Variants in GPC3 observed in about 807,000 individuals in gnomAD.
GPC3 encodes glypican-3.
Under a neutral mutation model 34.4 loss-of-function variants are expected in GPC3, and 3 were observed. That is an observed-to-expected ratio of 0.09 (90% CI 0.04 to 0.23). The LOEUF (loss-of-function observed/expected upper bound fraction) is 0.23, where lower values mean the gene tolerates loss of function less well. Ranked by LOEUF, GPC3 falls within the 10% of genes least tolerant of loss-of-function variation. GPC3 has a pLI of 1.00. For synonymous variants in GPC3, 177 were observed against 174.0 expected, an observed-to-expected ratio of 1.02 and a Z score of -0.13; for missense variants, 351 against 445.6, an observed-to-expected ratio of 0.79 and a Z score of 1.91.
At chrX:133,781,492 C>A (rs773370198) in intron 2 of GPC3, among the ~76,000 whole-genome samples, 4 of 112,189 alleles carry the variant, frequency 3.6e-5, no homozygotes, top group Non-Finnish European at 7.5e-5. Flanking sequence ...CAATAAAGCA[C>A]TTTTTCTACA....
chrX:133,678,736 T>C (rs925303659), intron 5 of GPC3, among the ~76,000 whole-genome samples: 3 of 112,023 alleles, frequency 2.7e-5, no homozygotes, highest in Non-Finnish European at 5.6e-5. Flanking sequence ...AAGCCATGTA[T>C]AGGAATTTGT....
At chrX:133,614,834 C>CA (rs2070144536) in intron 6 of GPC3, among the ~76,000 whole-genome samples, 2 of 111,118 alleles carry the variant, frequency 1.8e-5, no homozygotes, top group African/African-American at 6.5e-5. Context: ...AGAGAAGACT[C>CA]AAATTACTAC....
At chrX:133,920,141 G>T (rs1359712092) in intron 2 of GPC3, among the ~76,000 whole-genome samples, 1 of 107,855 alleles carries the variant, frequency 9.3e-6, no homozygotes, top group Non-Finnish European at 1.9e-5. Context: ...CCCAGTCTGG[G>T]CAACAGAGTA....
chrX:133,795,951 T>TCC (rs2075577440), intron 2 of GPC3, among the ~76,000 whole-genome samples: 7 of 100,313 alleles, frequency 7.0e-5, no homozygotes, highest in Admixed American at 2.1e-4. Context: ...TCCTTTTTTT[T>TCC]TTTTTTTTTT....
At chrX:133,746,089 G>A (rs1437529421) in intron 3 of GPC3, among the ~76,000 whole-genome samples, 1 of 112,181 alleles carries the variant, frequency 8.9e-6, no homozygotes, top group African/African-American at 3.2e-5. Flanking sequence ...TCAGGGATCT[G>A]GCACAAATGC....
intron 2 of GPC3, among the ~76,000 whole-genome samples, chrX:133,795,314 C>T (rs1194420420): frequency 8.9e-6 from 1 of 112,368 alleles, no homozygotes; most frequent in Non-Finnish European, 1.9e-5. Flanking sequence ...CATGTCTTCC[C>T]CTTGTGGTAA....
chrX:133,815,839 T>A (rs1315736716), intron 2 of GPC3, among the ~76,000 whole-genome samples: 1 of 111,659 alleles, frequency 9.0e-6, no homozygotes, highest in Non-Finnish European at 1.9e-5. Flanking sequence ...AGAATTAGCT[T>A]CTGAGAGATG....
At chrX:133,680,153 G>C (rs945733182) in intron 5 of GPC3, among the ~76,000 whole-genome samples, 2 of 111,813 alleles carry the variant, frequency 1.8e-5, no homozygotes, top group African/African-American at 6.5e-5. Context: ...CTAGCCAATG[G>C]CTCTTTTTCT....
intron 2 of GPC3, among the ~76,000 whole-genome samples, chrX:133,899,400 T>C (rs909215762): frequency 9.0e-6 from 1 of 111,629 alleles, no homozygotes; most frequent in African/African-American, 3.3e-5. Flanking sequence ...CATTTGTTGT[T>C]ACTCCCTCCA....
intron 5 of GPC3, among the ~76,000 whole-genome samples, chrX:133,690,931 G>C (rs1228944699): frequency 3.6e-5 from 4 of 111,524 alleles, no homozygotes; most frequent in Middle Eastern, 4.2e-3. Flanking sequence ...AACTCTTTGT[G>C]GTTTCCTAAG....
At chrX:133,979,004 T>C (rs1318814409) in intron 1 of GPC3, among the ~76,000 whole-genome samples, 3 of 112,643 alleles carry the variant, frequency 2.7e-5, no homozygotes, top group Admixed American at 9.4e-5. Context: ...TATGCTTCAC[T>C]GTGGAAATTT....
chrX:133,982,030 C>T (rs900425791), intron 1 of GPC3, among the ~76,000 whole-genome samples: 1 of 111,805 alleles, frequency 8.9e-6, no homozygotes, highest in African/African-American at 3.3e-5. Context: ...TGGTGTATGG[C>T]ATTCATAAAG....
chrX:133,962,801 T>C lies in GPC3; in HGVS notation c.176-9590A>G, dbSNP rs2076447363. Among the ~76,000 whole-genome samples, 4 of 111,877 alleles carry C rather than the reference T, an allele frequency of 3.6e-5. No individual in the cohort carries two copies. In the South Asian group the frequency reaches 1.5e-3, roughly 42 times the overall value. On this transcript the variant is annotated intron_variant, in intron 1 of 7. Coordinates refer to ENST00000370818, the MANE Select transcript of GPC3 (RefSeq NM_004484.4). ...CGCAGACCTGAGGCAGAGCTGAGAA[T>C]TTCAACACCCTAGGCCCAATCTAAG... is the stretch of plus-strand genomic sequence containing the variant.
chrX:133,581,788 T>C (rs970144187), intron 7 of GPC3, among the ~76,000 whole-genome samples: 2 of 112,313 alleles, frequency 1.8e-5, no homozygotes, highest in Non-Finnish European at 3.8e-5. Context: ...TCCACTCCAA[T>C]GGAGTCAGAA....
intron 2 of GPC3, among the ~76,000 whole-genome samples, chrX:133,912,009 TGTGGAA>T (rs2076202756): frequency 8.9e-6 from 1 of 112,367 alleles, no homozygotes; most frequent in African/African-American, 3.2e-5. Flanking sequence ...CCTAATAATC[TGTGGAA>T]GTGGTTTTCA....
chrX:133,540,958 G>A (rs1342010748), intron 7 of GPC3, among the ~76,000 whole-genome samples: 10 of 106,666 alleles, frequency 9.4e-5, no homozygotes, highest in South Asian at 4.2e-4. Flanking sequence ...GTGTGTGTGC[G>A]CGCACTGTGG....
At chrX:133,865,638 T>A (rs752504607) in intron 2 of GPC3, among the ~76,000 whole-genome samples, 1 of 112,485 alleles carries the variant, frequency 8.9e-6, no homozygotes, top group African/African-American at 3.2e-5. Flanking sequence ...GATTTTGTTA[T>A]CTCAGTAAAA....
At chrX:133,715,703 G>T (rs1466900966) in intron 3 of GPC3, among the ~76,000 whole-genome samples, 1 of 111,237 alleles carries the variant, frequency 9.0e-6, no homozygotes, top group South Asian at 3.8e-4. Flanking sequence ...GGGGACAATA[G>T]TTAGAGCAAA....
intron 2 of GPC3, among the ~76,000 whole-genome samples, chrX:133,841,133 T>C (rs1479250613): frequency 9.5e-6 from 1 of 105,279 alleles, no homozygotes; most frequent in Non-Finnish European, 1.9e-5. Flanking sequence ...ATGCTCAACC[T>C]CCCAGGCCCA....
Sources: gnomAD v4.1 joint callset for allele counts (sites outside exome capture counted in the v4.1 genomes callset) on GRCh38, gnomAD v4.1.1 for gene constraint, MANE v1.5 for transcripts, NCBI Gene and HGNC (gene_info 2026-07-23, HGNC 2026-07-21) for gene names.